XRN1: variants seen among roughly 807,000 people sequenced by gnomAD.
XRN1 encodes the protein 5'-3' exoribonuclease 1.
XRN1 carries 67 observed loss-of-function variants against 222.3 expected under a neutral mutation model. The observed-to-expected ratio is 0.30, with a 90% CI of 0.25 to 0.37. The LOEUF (loss-of-function observed/expected upper bound fraction) is 0.37, where lower values mean the gene tolerates loss of function less well. Among genes scored for constraint, XRN1 ranks in the 10% least tolerant of loss-of-function variants. XRN1 has a pLI of 1.00. For missense variants in XRN1, 1,707 were observed against 2,000.2 expected (o/e 0.85, Z 2.80); for synonymous variants, 643 against 652.4 (o/e 0.99, Z 0.22).
At chr3:142,399,120 T>C (rs551257043) in intron 19 of XRN1, among the ~76,000 whole-genome samples, 40 of 151,940 alleles carry the variant, frequency 2.6e-4, no homozygotes, top group African/African-American at 9.6e-4. Context: ...TCTCCCCAAA[T>C]TGATCTATAG....
At chr3:142,407,488 C>G (rs894331663) in intron 15 of XRN1, among the ~76,000 whole-genome samples, 4 of 152,160 alleles carry the variant, frequency 2.6e-5, no homozygotes, top group African/African-American at 7.2e-5. Flanking sequence ...AACCACCAAC[C>G]TGGCTAATTT....
intron 15 of XRN1, among the ~76,000 whole-genome samples, chr3:142,411,948 G>A (rs554976134): frequency 6.6e-6 from 1 of 151,144 alleles, no homozygotes; most frequent in Non-Finnish European, 1.5e-5. Context: ...TCAGCCTCTC[G>A]AGTAGCTGGG....
At chr3:142,359,743 G>T in intron 30 of XRN1, 119 bp downstream of exon 30, 1 of 652,628 alleles carries the variant, frequency 1.5e-6, no homozygotes, top group Non-Finnish European at 2.5e-6. Context: ...TACATCCCTA[G>T]TAGCAAGTAC....
chr3:142,375,386 T>A (rs1004487577), intron 25 of XRN1, among the ~76,000 whole-genome samples: 4 of 152,184 alleles, frequency 2.6e-5, no homozygotes, highest in East Asian at 1.9e-4. Context: ...ATTTCCTAGA[T>A]AATTTCAGCA....
chr3:142,337,788 A>G (rs2065890271), intron 33 of XRN1, among the ~76,000 whole-genome samples: 2 of 152,164 alleles, frequency 1.3e-5, no homozygotes, highest in Non-Finnish European at 2.9e-5. Context: ...GATTTATCTC[A>G]AGTTGTTAGG....
chr3:142,435,642 A>G (rs1157779118), intron 1 of XRN1, among the ~76,000 whole-genome samples: 2 of 151,278 alleles, frequency 1.3e-5, no homozygotes, highest in South Asian at 2.1e-4. Context: ...CTGTAATCCC[A>G]GGTACTTAGA....
At chr3:142,384,302 A>G (rs1316286557) in intron 21 of XRN1, among the ~76,000 whole-genome samples, 2 of 151,524 alleles carry the variant, frequency 1.3e-5, no homozygotes, top group South Asian at 2.1e-4. Flanking sequence ...AAAAAAGCAT[A>G]CGAAAGCATA....
chr3:142,419,134 A>G (rs982336961), intron 10 of XRN1, among the ~76,000 whole-genome samples: 5 of 151,838 alleles, frequency 3.3e-5, no homozygotes, highest in Non-Finnish European at 5.9e-5. Context: ...CTTTCATCCA[A>G]CTTATGGCCT....
intron 20 of XRN1, among the ~76,000 whole-genome samples, chr3:142,385,162 T>C (rs1053891145): frequency 1.3e-5 from 2 of 152,056 alleles, no homozygotes; most frequent in Non-Finnish European, 2.9e-5. Flanking sequence ...CAAACAAATA[T>C]TGATACACAA....
intron 29 of XRN1, 27 bp from the exon 30 acceptor site, chr3:142,359,958 A>AAATTTCAT: frequency 6.7e-7 from 1 of 1,501,290 alleles, no homozygotes; most frequent in Middle Eastern, 1.8e-4. Flanking sequence ...AGAAAAAGAG[A>AAATTTCAT]CACTAAAAAA....
rs1032864206 is a variant in XRN1 at position 142,334,805 on chromosome 3, A to C, written c.3939+643T>G. Among the ~76,000 whole-genome samples the C allele has an allele frequency of 5.4e-5, 7 of 129,122 alleles. 2 individuals are homozygous for C. In the South Asian group the frequency reaches 1.7e-3, roughly 31 times the overall value. The allele number at this position is 129,122 out of a possible 152,430, so 84.7% of individuals were successfully genotyped here. A position where few individuals can be genotyped will look rare whatever the true frequency, so the allele number is the denominator to read the frequency against. On this transcript the variant is annotated intron_variant, in intron 34 of 40. Coordinates refer to ENST00000392981, the MANE Select transcript of XRN1 (RefSeq NM_001282857.2). ...ACACACACACACACACACACACAAA[A>C]GACCATATATATTGGGAGCAACTAC...
At chr3:142,429,005 A>G (rs962174928) in intron 2 of XRN1, among the ~76,000 whole-genome samples, 13 of 152,204 alleles carry the variant, frequency 8.5e-5, no homozygotes, top group African/African-American at 3.1e-4. Flanking sequence ...AAGGAGACTA[A>G]GAAAGTACAA....
chr3:142,408,478 C>A (rs796696819), intron 15 of XRN1, among the ~76,000 whole-genome samples: 17 of 152,306 alleles, frequency 1.1e-4, no homozygotes, highest in African/African-American at 3.6e-4. Flanking sequence ...CAACCCATCC[C>A]ATGACACCAG....
At chr3:142,361,093 A>G (rs1238316549) in intron 29 of XRN1, among the ~76,000 whole-genome samples, 1 of 152,194 alleles carries the variant, frequency 6.6e-6, no homozygotes, top group African/African-American at 2.4e-5. Context: ...TGCTGTCACC[A>G]TAGGTTACTT....
At chr3:142,428,325 G>T (rs1028841879) in intron 2 of XRN1, among the ~76,000 whole-genome samples, 3 of 150,148 alleles carry the variant, frequency 2.0e-5, no homozygotes, top group African/African-American at 7.4e-5. Flanking sequence ...AACCCAGGGG[G>T]CAGAGGCCAT....
intron 39 of XRN1, among the ~76,000 whole-genome samples, chr3:142,316,471 A>T (rs2107857862): frequency 6.6e-6 from 1 of 152,076 alleles, no homozygotes; most frequent in East Asian, 1.9e-4. Flanking sequence ...ATTATTTTTT[A>T]AAAGCTTAGT....
chr3:142,414,350 A>G, intron 13 of XRN1, 59 bp from the exon 14 acceptor site: 1 of 1,257,710 alleles, frequency 8.0e-7, no homozygotes, highest in Non-Finnish European at 1.1e-6. Flanking sequence ...GTTAATAATA[A>G]ACATATACTT....
At chr3:142,417,016 G>GAA (rs11291353) in intron 13 of XRN1, 124 bp downstream of exon 13, 173 of 308,680 alleles carry the variant, frequency 5.6e-4, no homozygotes, top group Middle Eastern at 1.1e-3. Context: ...GCAACAGAGT[G>GAA]AAAAAAAAAA....
chr3:142,349,773 T>C (rs2107809949), intron 32 of XRN1, among the ~76,000 whole-genome samples: 1 of 152,294 alleles, frequency 6.6e-6, no homozygotes, highest in Middle Eastern at 3.4e-3. Flanking sequence ...ATATGCGTTA[T>C]ACTTGGGATC....
Sources: gnomAD v4.1 joint callset for allele counts (sites outside exome capture counted in the v4.1 genomes callset) on GRCh38, gnomAD v4.1.1 for gene constraint, MANE v1.5 for transcripts, NCBI Gene and HGNC (gene_info 2026-07-23, HGNC 2026-07-21) for gene names.